Variants in FAM227B observed in about 807,000 individuals in gnomAD.
FAM227B encodes the protein family with sequence similarity 227 member B, also known as protein FAM227B.
A neutral mutation model predicts 73.8 loss-of-function variants in FAM227B; 88 were observed. That is an observed-to-expected ratio of 1.19 (90% CI 1.00 to 1.42). The LOEUF is 1.42. FAM227B is among the 40% of genes most tolerant of loss of function. The pLI is 0.00. For missense variants in FAM227B, 632 were observed against 590.9 expected, an observed-to-expected ratio of 1.07 and a Z score of -0.72; for synonymous variants, 210 against 190.5, an observed-to-expected ratio of 1.10 and a Z score of -0.84.
At chr15:49,613,324 C>G (rs191695443) in intron 2 of FAM227B, among the ~76,000 whole-genome samples, 1 of 152,174 alleles carries the variant, frequency 6.6e-6, no homozygotes, top group Non-Finnish European at 1.5e-5. Context: ...AGAGACCAGC[C>G]TGGCCAACAC....
chr15:49,405,832 T>C (rs974030703), intron 11 of FAM227B, among the ~76,000 whole-genome samples: 1 of 152,222 alleles, frequency 6.6e-6, no homozygotes, highest in Admixed American at 6.5e-5. Flanking sequence ...TCTGGCTTTT[T>C]GAGTTGTCAG....
Position 49,331,814 on chromosome 15 carries a change from A to G in FAM227B, c.1385T>C (p.Val462Ala). The G allele has an allele frequency of 6.2e-7, 1 of 1,611,746 alleles. No homozygotes were observed. Among genetic ancestry groups the G allele is most frequent in the Non-Finnish European group, 8.5e-7 (1 of 1,177,898 alleles). ...TAGGAACTTCTCAAAGTCCTGTTTC[A>G]CTTCATGAGGTTTCTTGGTAGCCTT... ...QAKATKKPHE[V>A]KQDFEKFLHK... is the part of the protein sequence containing the mutation. The change falls in exon 15 of 16, where the codon GTG becomes GCG. Residue 462 changes from valine to alanine, a missense_variant. Transcript: ENST00000299338.
chr15:49,618,465 C>T (rs2078439336), intron 1 of FAM227B, among the ~76,000 whole-genome samples: 1 of 152,070 alleles, frequency 6.6e-6, no homozygotes, highest in Non-Finnish European at 1.5e-5. Context: ...TTAAAAATGG[C>T]AGTTAAGAGA....
At chr15:49,500,504 G>C (rs981571345) in intron 11 of FAM227B, among the ~76,000 whole-genome samples, 4 of 152,206 alleles carry the variant, frequency 2.6e-5, no homozygotes, top group African/African-American at 9.6e-5. Context: ...CACATGAAAA[G>C]AAGCTCATCA....
At chr15:49,499,165 C>CAAAAAAAAA (rs11355557) in intron 11 of FAM227B, among the ~76,000 whole-genome samples, 1 of 53,008 alleles carries the variant, frequency 1.9e-5, no homozygotes, top group Non-Finnish European at 3.3e-5. Context: ...GACTCCGTCT[C>CAAAAAAAAA]AAAAAAAAAA....
At chr15:49,615,337 A>G in intron 1 of FAM227B, 94 bp from the exon 2 acceptor site, 1 of 651,532 alleles carries the variant, frequency 1.5e-6, no homozygotes, top group Non-Finnish European at 2.8e-6. Context: ...GACTTTTACC[A>G]AGTCAGATAG....
intron 11 of FAM227B, among the ~76,000 whole-genome samples, chr15:49,386,887 T>G (rs779245216): frequency 5.3e-5 from 8 of 151,790 alleles, no homozygotes; most frequent in Admixed American, 2.0e-4. Flanking sequence ...GTGCACAAAC[T>G]AGAAAACCTA....
intron 10 of FAM227B, among the ~76,000 whole-genome samples, chr15:49,511,591 C>T (rs575214386): frequency 1.3e-5 from 2 of 152,236 alleles, no homozygotes; most frequent in Admixed American, 1.3e-4. Context: ...ATTAGCTATT[C>T]TTCCTGATGC....
chr15:49,569,986 T>C (rs2074975342), intron 8 of FAM227B, among the ~76,000 whole-genome samples: 1 of 152,002 alleles, frequency 6.6e-6, no homozygotes. Context: ...TATTCTATTG[T>C]GTACTTACAC....
intron 10 of FAM227B, among the ~76,000 whole-genome samples, chr15:49,515,672 T>C (rs896761262): frequency 6.6e-6 from 1 of 152,186 alleles, no homozygotes; most frequent in African/African-American, 2.4e-5. Flanking sequence ...TTATGTTTTC[T>C]TGTTGCTATT....
intron 9 of FAM227B, among the ~76,000 whole-genome samples, chr15:49,546,594 A>G (rs138273672): frequency 0.029 from 4,372 of 152,150 alleles, 217 homozygotes; most frequent in African/African-American, 0.1. Context: ...AAGTGTTCCT[A>G]TTTCTCCACA....
intron 8 of FAM227B, among the ~76,000 whole-genome samples, chr15:49,574,170 A>G (rs1053084982): frequency 1.3e-5 from 2 of 152,064 alleles, no homozygotes; most frequent in Non-Finnish European, 2.9e-5. Context: ...TTTTGTAGTT[A>G]AGGTCCCAAG....
rs139163511 is a variant in FAM227B, at chr15:49,620,210, A to AT, written c.-73+489dup. On this transcript the variant is annotated intron_variant, in intron 1 of 15. Transcript: ENST00000299338. The stretch of plus-strand genomic sequence containing the variant: ...AAATTCCTGTAATTTATTAAATTCC[A>AT]TTTTTTATCTCAGTAGTAAGAATAT... 8.7e-4 allele frequency: 133 copies of AT among 152,268 alleles called. 1 individual carries two copies. In the East Asian group the frequency reaches 0.014, roughly 16 times the overall value. 9.4% of individuals were successfully genotyped at this position (152,268 alleles called of 1,614,324 possible). A position where few individuals can be genotyped will look rare whatever the true frequency, so the allele number is the denominator to read the frequency against.
intron 11 of FAM227B, among the ~76,000 whole-genome samples, chr15:49,404,318 A>T (rs1360850109): frequency 6.6e-6 from 1 of 152,020 alleles, no homozygotes; most frequent in Non-Finnish European, 1.5e-5. Context: ...TATCTTTGTT[A>T]ATTTTCTGCC....
At chr15:49,477,541 C>T (rs530932219) in intron 11 of FAM227B, among the ~76,000 whole-genome samples, 2 of 152,222 alleles carry the variant, frequency 1.3e-5, no homozygotes, top group African/African-American at 4.8e-5. Flanking sequence ...AAATAATATT[C>T]CAGTGTATAC....
intron 11 of FAM227B, among the ~76,000 whole-genome samples, chr15:49,396,920 A>T (rs1019668487): frequency 1.1e-4 from 16 of 152,342 alleles, no homozygotes; most frequent in African/African-American, 1.7e-4. Flanking sequence ...AAAAACTGGA[A>T]ACTCTAAAAA....
rs566370022 is a variant in FAM227B, at chr15:49,541,732, A to G, written c.822T>C (p.Phe274=). The G allele has an allele frequency of 3.9e-6, 6 of 1,544,700 alleles. No individual in the cohort carries two copies. In the African/African-American group the frequency reaches 5.5e-5, roughly 14 times the overall value. The part of the protein sequence containing the change: ...HEAFPESSYL[F]NDEFKEDLGN... ...CTAGATCTTCTTTAAATTCATCATT[A>G]AAGAGGTAACTCGATTCTGGAAATG... The change falls in exon 10 of 16, where the codon TTT becomes TTC. Residue 274 remains phenylalanine, a synonymous_variant. Transcript: ENST00000299338.
At chr15:49,459,096 T>A (rs2053568247) in intron 11 of FAM227B, among the ~76,000 whole-genome samples, 1 of 152,178 alleles carries the variant, frequency 6.6e-6, no homozygotes, top group Admixed American at 6.6e-5. Context: ...CAAACATTAC[T>A]GAATATCTTC....
intron 3 of FAM227B, among the ~76,000 whole-genome samples, chr15:49,608,440 G>C (rs2077664362): frequency 1.3e-5 from 2 of 151,912 alleles, no homozygotes; most frequent in South Asian, 2.1e-4. Flanking sequence ...TGAATATATG[G>C]GTAAGTCTTC....
Sources: allele counts gnomAD v4.1 joint callset (sites outside exome capture counted in the v4.1 genomes callset), GRCh38; gene constraint gnomAD v4.1.1; transcripts MANE v1.5; gene names NCBI Gene and HGNC (gene_info 2026-07-23, HGNC 2026-07-21).